Variants in GNAI1 observed in about 807,000 individuals in gnomAD.
GNAI1 encodes the protein guanine nucleotide-binding protein G(i) subunit alpha-1.
Under a neutral mutation model 38.9 loss-of-function variants are expected in GNAI1, and 11 were observed. That is an observed-to-expected ratio of 0.28 (90% CI 0.18 to 0.47). The LOEUF is 0.47. Among genes scored for constraint, GNAI1 ranks in the 20% least tolerant of loss-of-function variants. The probability of loss-of-function intolerance (pLI) is 0.99; values close to 1 mark genes in which losing one functional copy is unlikely to be tolerated. For missense variants in GNAI1, 317 were observed against 436.9 expected (o/e 0.73, Z 2.45); for synonymous variants, 166 against 145.1 (o/e 1.14, Z -1.04).
intron 7 of GNAI1, among the ~76,000 whole-genome samples, chr7:80,215,822 T>C (rs1003085490): frequency 6.6e-6 from 1 of 152,138 alleles, no homozygotes; most frequent in African/African-American, 2.4e-5. Flanking sequence ...TTAGATGGAG[T>C]GCCAATTTTG....
At chr7:80,176,734 C>T (rs1399192132) in intron 1 of GNAI1, among the ~76,000 whole-genome samples, 2 of 151,928 alleles carry the variant, frequency 1.3e-5, no homozygotes, top group South Asian at 2.1e-4. Flanking sequence ...GTCAGGAGTT[C>T]GAGACCAGCC....
chr7:80,148,698 A>G (rs1787671303), intron 1 of GNAI1, among the ~76,000 whole-genome samples: 1 of 152,056 alleles, frequency 6.6e-6, no homozygotes, highest in Non-Finnish European at 1.5e-5. Flanking sequence ...TTAGAATTGA[A>G]TGGTTGTGTT....
At chr7:80,216,378 CTCACTGATAA>C (rs1259647026) in intron 7 of GNAI1, among the ~76,000 whole-genome samples, 1 of 152,078 alleles carries the variant, frequency 6.6e-6, no homozygotes, top group Non-Finnish European at 1.5e-5. Flanking sequence ...TCACTGATTA[CTCACTGATAA>C]TCACTGAAGA....
chr7:80,188,604 A>G (rs2115630555), intron 1 of GNAI1, among the ~76,000 whole-genome samples: 1 of 152,324 alleles, frequency 6.6e-6, no homozygotes, highest in East Asian at 1.9e-4. Context: ...CAAAATGGTT[A>G]CCATATTGGG....
At chr7:80,146,918 T>G (rs1272339895) in intron 1 of GNAI1, among the ~76,000 whole-genome samples, 1 of 152,188 alleles carries the variant, frequency 6.6e-6, no homozygotes, top group Admixed American at 6.5e-5. Flanking sequence ...TTAATATTAT[T>G]GCTGTTTTAT....
At chr7:80,135,648 A>ACCCCCCCCCCCCCCCCCCCCC (rs1283561599) in intron 1 of GNAI1, 3 of 38,264 alleles carry the variant, frequency 7.8e-5, no homozygotes, top group Admixed American at 3.3e-4. Context: ...AAATGAAAAC[A>ACCCCCCCCCCCCCCCCCCCCC]CCCCCCCCCC....
intron 1 of GNAI1, 44 bp downstream of exon 1, chr7:80,135,322 G>C: frequency 8.6e-7 from 1 of 1,166,100 alleles, no homozygotes; most frequent in Non-Finnish European, 1.1e-6. Context: ...CGGGGGACCG[G>C]GTGCGGCGCT....
In GNAI1 at chr7:80,217,334, T is replaced by C. The variant is rs749929692; in HGVS notation, c.906T>C (p.Tyr302=). 6.3e-7 allele frequency: 1 copy of C among 1,597,078 alleles called. No individual in the cohort carries two copies. Among genetic ancestry groups the C allele is most frequent in the East Asian group, 2.3e-5 (1 of 44,406 alleles). ...ACACATATGAAGAGGCAGCTGCATA[T>C]ATTCAATGTCAGTTTGAAGACCTCA... is the stretch of plus-strand genomic sequence containing the variant. ...GSNTYEEAAA[Y]IQCQFEDLNK... Residue 302 remains tyrosine (Y), a synonymous_variant, in exon 8 of 8, where the codon TAT becomes TAC. Transcript: ENST00000649796.
chr7:80,221,653 T>A lies in GNAI1; in HGVS notation c.*4160T>A, dbSNP rs1235858079. On this transcript the variant is annotated 3_prime_UTR_variant, in exon 8 of 8. Coordinates refer to ENST00000649796, the MANE Select transcript of GNAI1 (RefSeq NM_002069.6). ...GAAATTTTCTTTTTTTTTTTTTTTTTTTTTTTTTGGTATGGAGTCTTGCTC... is the reference window on the plus strand; with the variant it reads ...GAAATTTTCTTTTTTTTTTTTTTTTATTTTTTTTGGTATGGAGTCTTGCTC... 7.0e-6 allele frequency among the ~76,000 whole-genome samples: 1 copy of A among 143,350 alleles called. No individual in the cohort carries two copies. Among genetic ancestry groups the A allele is most frequent in the African/African-American group, 2.6e-5 (1 of 38,638 alleles). The allele number at this position is 143,350 out of a possible 152,430, so 94.0% of individuals were successfully genotyped here.
intron 5 of GNAI1, among the ~76,000 whole-genome samples, chr7:80,206,381 C>T (rs974920513): frequency 7.0e-6 from 1 of 142,958 alleles, no homozygotes; most frequent in African/African-American, 3.0e-5. Context: ...ACATTTTACG[C>T]TGCTGTCATT....
At chr7:80,185,137 C>T (rs1370893305) in intron 1 of GNAI1, among the ~76,000 whole-genome samples, 2 of 152,094 alleles carry the variant, frequency 1.3e-5, no homozygotes, top group Non-Finnish European at 2.9e-5. Flanking sequence ...AAAATTTACC[C>T]CCCAACCCCA....
intron 1 of GNAI1, among the ~76,000 whole-genome samples, chr7:80,157,814 C>T (rs375976645): frequency 6.6e-6 from 1 of 152,134 alleles, no homozygotes. Context: ...TCAAACAATT[C>T]TCCTGCCTCA....
intron 3 of GNAI1, among the ~76,000 whole-genome samples, chr7:80,198,578 C>T (rs1046926279): frequency 1.3e-5 from 2 of 151,948 alleles, no homozygotes; most frequent in African/African-American, 4.8e-5. Flanking sequence ...ATTTCTACTC[C>T]AAAGCTGTGC....
Position 80,163,772 on chromosome 7 carries a change from A to C in GNAI1, c.119-25179A>C, listed in dbSNP as rs549410743. On this transcript the variant is annotated intron_variant, in intron 1 of 7. Transcript: ENST00000649796. ...TGCCCCACAAGGTGCAAACCTACGTAAACTGGAGGCCAGCCTTGTATTCTT... is the reference window on the plus strand; with the variant it reads ...TGCCCCACAAGGTGCAAACCTACGTCAACTGGAGGCCAGCCTTGTATTCTT... 5.3e-5 allele frequency among the ~76,000 whole-genome samples: 8 copies of C among 152,306 alleles called. No homozygotes were observed. The South Asian group carries it at 1.7e-3, about 32-fold the overall frequency.
intron 1 of GNAI1, among the ~76,000 whole-genome samples, chr7:80,156,421 T>A (rs1787819702): frequency 6.6e-6 from 1 of 152,104 alleles, no homozygotes; most frequent in African/African-American, 2.4e-5. Flanking sequence ...ATGTCTACCC[T>A]TATAAAGGAA....
At chr7:80,135,737 C>T in intron 1 of GNAI1, 1 of 967,382 alleles carries the variant, frequency 1.0e-6, no homozygotes, top group Non-Finnish European at 1.2e-6. Context: ...TTCTCATGCC[C>T]AGAGTGCCAC....
rs531775000 is a variant in GNAI1 at position 80,183,598 on chromosome 7, G to T, written c.119-5353G>T. On this transcript the variant is annotated intron_variant, in intron 1 of 7. Coordinates refer to ENST00000649796, the MANE Select transcript of GNAI1 (RefSeq NM_002069.6). ...GCCAGGAAATAAATGATATAAATGT[G>T]ACCCTAAGCAAAAGTTGACCAAAGG... Among the ~76,000 whole-genome samples, 48 of 151,570 alleles carry T rather than the reference G, an allele frequency of 3.2e-4. No homozygotes were observed. In the South Asian group the frequency reaches 9.8e-3, roughly 31 times the overall value.
chr7:80,180,189 G>A (rs1279939731), intron 1 of GNAI1, among the ~76,000 whole-genome samples: 1 of 152,252 alleles, frequency 6.6e-6, no homozygotes, highest in African/African-American at 2.4e-5. Context: ...ATGATTTCCT[G>A]ATGAAGAAAA....
intron 1 of GNAI1, among the ~76,000 whole-genome samples, chr7:80,142,362 A>C (rs969751175): frequency 6.6e-6 from 1 of 152,230 alleles, no homozygotes; most frequent in African/African-American, 2.4e-5. Context: ...TATTGAACCC[A>C]TGGTGTTACT....
Sources: gnomAD v4.1 joint callset for allele counts (sites outside exome capture counted in the v4.1 genomes callset) on GRCh38, gnomAD v4.1.1 for gene constraint, MANE v1.5 for transcripts, NCBI Gene and HGNC (gene_info 2026-07-23, HGNC 2026-07-21) for gene names.